USP49: variants seen among roughly 807,000 people sequenced by gnomAD.
The protein encoded by USP49 is ubiquitin carboxyl-terminal hydrolase 49.
Under a neutral mutation model 58.6 loss-of-function variants are expected in USP49, and 24 were observed. The ratio of observed to expected loss-of-function variants is 0.41; its 90% CI spans 0.30 to 0.58. USP49 has a LOEUF of 0.58. Ranked by LOEUF, USP49 falls within the 20% of genes least tolerant of loss-of-function variation. USP49 has a pLI of 0.30. For synonymous variants in USP49, 408 were observed against 365.1 expected (o/e 1.12, Z -1.34); for missense variants, 703 against 866.1 (o/e 0.81, Z 2.36).
chr6:41,798,670 G>C (rs1329968761), intron 7 of USP49, 54 bp downstream of exon 7: 1 of 1,612,814 alleles, frequency 6.2e-7, no homozygotes, highest in Non-Finnish European at 8.5e-7. Flanking sequence ...AATAAAATGT[G>C]GACAAATCAA....
intron 3 of USP49, among the ~76,000 whole-genome samples, chr6:41,851,062 C>T (rs938882665): frequency 2.6e-5 from 4 of 152,240 alleles, no homozygotes; most frequent in Non-Finnish European, 5.9e-5. Flanking sequence ...TTCTACCAAA[C>T]ATTAAAAAAT....
chr6:41,853,907 G>C lies in USP49; in HGVS notation c.-29+17657C>G, dbSNP rs184814180. Among the ~76,000 whole-genome samples, 1,006 of 148,832 alleles carry C rather than the reference G, an allele frequency of 6.8e-3. 9 individuals carry two copies. The highest frequency in any genetic ancestry group is 0.024 in the African/African-American group (956 of 40,298). Reference sequence around the variant, plus strand: ...TCAGCTACTTGGGAGGCTGAGGCAGGAGAATTGCTTGAACCCGGGAGGCGG... The same window carrying C: ...TCAGCTACTTGGGAGGCTGAGGCAGCAGAATTGCTTGAACCCGGGAGGCGG... On this transcript the variant is annotated intron_variant, in intron 3 of 7. Coordinates refer to ENST00000682992, the MANE Select transcript of USP49 (RefSeq NM_001286554.2).
At chr6:41,840,489 T>C (rs1446965009) in intron 3 of USP49, among the ~76,000 whole-genome samples, 8 of 152,154 alleles carry the variant, frequency 5.3e-5, no homozygotes, top group South Asian at 2.1e-4. Context: ...CTTAGAGAAG[T>C]TGGCACATAA....
At chr6:41,862,930 C>T (rs2127355625) in intron 3 of USP49, among the ~76,000 whole-genome samples, 2 of 152,164 alleles carry the variant, frequency 1.3e-5, no homozygotes, top group South Asian at 2.1e-4. Context: ...TGCACTACCA[C>T]ACCTGGCTAA....
chr6:41,878,372 T>G (rs2254805), intron 2 of USP49, among the ~76,000 whole-genome samples: 67,394 of 151,938 alleles, frequency 0.44, 15,202 homozygotes, highest in Middle Eastern at 0.5. Context: ...ACATACGATC[T>G]TAGCCAGATT....
chr6:41,806,414 GCGC>G lies in USP49; in HGVS notation c.567_569del (p.Arg190del). On this transcript the variant is annotated inframe_deletion, in exon 4 of 8. Transcript: ENST00000682992. The surrounding 1 kb of genome is among the most constrained non-coding windows in gnomAD (Gnocchi z 5.9). Reference sequence around the variant, plus strand: ...CCTCCAGCAGCCGCCGTTTCACCTCGCGCCGCCGCCTCCGCGCCTCCTCCTTCT... The same window carrying G: ...CCTCCAGCAGCCGCCGTTTCACCTCGCGCCGCCTCCGCGCCTCCTCCTTCT... 1.9e-6 allele frequency: 3 copies of G among 1,570,688 alleles called. No homozygotes were observed. Among genetic ancestry groups the G allele is most frequent in the Non-Finnish European group, 2.6e-6 (3 of 1,166,898 alleles).
chr6:41,806,864 C>G lies in USP49; in HGVS notation c.120G>C (p.Lys40Asn). The change falls in exon 4 of 8, where the codon AAG becomes AAC. Residue 40 changes from lysine (K) to asparagine (N), a missense_variant. By Grantham distance (94) the Lys-to-Asn change is moderately conservative (BLOSUM62 0). This residue lies in a region of USP49 where 376 missense variants were observed against 373.5 expected (regional missense o/e 1.01). Transcript: ENST00000682992. The surrounding 1 kb of genome is among the most constrained non-coding windows in gnomAD (Gnocchi z 5.9). The stretch of plus-strand genomic sequence containing the variant: ...AGCGGCCGCAGGCCACGTGGGAGCA[C>G]TTGAGGCAGGCCCACACGGACTCGG... The part of the protein sequence containing the change: ...ATTESVWACL[K>N]CSHVACGRYI... The G allele has an allele frequency of 1.2e-6, 2 of 1,614,100 alleles. No individual in the cohort carries two copies. Among genetic ancestry groups the G allele is most frequent in the Non-Finnish European group, 1.7e-6 (2 of 1,180,004 alleles).
chr6:41,802,262 T>G (rs1197241426), intron 5 of USP49, among the ~76,000 whole-genome samples: 1 of 151,934 alleles, frequency 6.6e-6, no homozygotes, highest in Non-Finnish European at 1.5e-5. Context: ...CTTCAGGCAA[T>G]CCTCCTGCCT....
intron 2 of USP49, among the ~76,000 whole-genome samples, chr6:41,886,221 G>A (rs991058271): frequency 4.6e-5 from 7 of 152,188 alleles, no homozygotes; most frequent in Non-Finnish European, 8.8e-5. Flanking sequence ...CATAAAAAAG[G>A]AGAGTTAAAG....
At position 41,804,073 on chromosome 6, in the gene USP49, T is replaced by C. The variant is rs1773066843; in HGVS notation, c.1357-63A>G. 4.0e-6 allele frequency: 6 copies of C among 1,494,124 alleles called. No homozygotes were observed. The South Asian group carries it at 7.2e-5, about 18-fold the overall frequency. The allele number at this position is 1,494,124 out of a possible 1,614,324, so 92.6% of individuals were successfully genotyped here. ...CCATGCTTCCTGTGTACAGTTTTAC[T>C]TGCTTCATAAAAGACACACTTTATC... On this transcript the variant is annotated intron_variant, in intron 4 of 7. Coordinates refer to ENST00000682992, the MANE Select transcript of USP49 (RefSeq NM_001286554.2).
chr6:41,812,469 G>A (rs187842700), intron 3 of USP49, among the ~76,000 whole-genome samples: 479 of 151,436 alleles, frequency 3.2e-3, no homozygotes, highest in South Asian at 0.013. Context: ...CGAGACGGGC[G>A]GATCACGAGG....
At chr6:41,838,436 T>C (rs572581897) in intron 3 of USP49, among the ~76,000 whole-genome samples, 1 of 152,204 alleles carries the variant, frequency 6.6e-6, no homozygotes, top group Non-Finnish European at 1.5e-5. Context: ...AAGAGGAATC[T>C]ATCACAGGAC....
At chr6:41,814,806 G>A (rs949900017) in intron 3 of USP49, among the ~76,000 whole-genome samples, 3 of 152,170 alleles carry the variant, frequency 2.0e-5, no homozygotes, top group African/African-American at 7.2e-5. Flanking sequence ...AGACACTATG[G>A]TAACATGCTG....
At chr6:41,814,827 T>C (rs908455892) in intron 3 of USP49, among the ~76,000 whole-genome samples, 2 of 152,162 alleles carry the variant, frequency 1.3e-5, no homozygotes, top group Non-Finnish European at 2.9e-5. Context: ...ACAGCCTTCA[T>C]TTACATAAAA....
chr6:41,798,160 A>C (rs1772922480), intron 7 of USP49: 1 of 154,890 alleles, frequency 6.5e-6, no homozygotes, highest in Non-Finnish European at 1.4e-5. Context: ...GAGCCATTGC[A>C]CAGGGCCTAG....
chr6:41,810,351 G>C (rs944847567), intron 3 of USP49, among the ~76,000 whole-genome samples: 7 of 149,490 alleles, frequency 4.7e-5, no homozygotes, highest in African/African-American at 1.7e-4. Context: ...TTAGCCAGGT[G>C]TGGTGGCAGG....
Position 41,796,305 on chromosome 6 carries a change from T to G in USP49, c.*228A>C, listed in dbSNP as rs1479868910. 2 of 469,948 alleles carry G rather than the reference T, an allele frequency of 4.3e-6. No individual in the cohort carries two copies. Among genetic ancestry groups the G allele is most frequent in the Non-Finnish European group, 7.6e-6 (2 of 262,242 alleles). 29.1% of individuals were successfully genotyped at this position (469,948 alleles called of 1,614,324 possible). A position where few individuals can be genotyped will look rare whatever the true frequency, so the allele number is the denominator to read the frequency against. The stretch of plus-strand genomic sequence containing the variant: ...TCAGAAGCAACTGATGAAAGGATCT[T>G]CATAGAAGTTACTTCTTTTGTTTTT... On this transcript the variant is annotated 3_prime_UTR_variant, in exon 8 of 8. Coordinates refer to ENST00000682992, the MANE Select transcript of USP49 (RefSeq NM_001286554.2).
At chr6:41,849,154 A>G (rs936536071) in intron 3 of USP49, among the ~76,000 whole-genome samples, 7 of 152,234 alleles carry the variant, frequency 4.6e-5, no homozygotes, top group African/African-American at 1.7e-4. Flanking sequence ...AGAAGAGAGC[A>G]GGAGTGGCTA....
At position 41,884,593 on chromosome 6, in the gene USP49, C is replaced by T. The variant is rs557863499; in HGVS notation, c.-103+7201G>A. On this transcript the variant is annotated intron_variant, in intron 2 of 7. Transcript: ENST00000682992. ...TGGGAATGAGGGCTGAACAGAAGGC[C>T]TTTGTACACCAAAGCTATACTGTAA... Among the ~76,000 whole-genome samples the T allele has an allele frequency of 2.2e-4, 34 of 152,264 alleles. No individual in the cohort carries two copies. The South Asian group carries it at 6.4e-3, about 29-fold the overall frequency.
Sources: allele counts gnomAD v4.1 joint callset (sites outside exome capture counted in the v4.1 genomes callset), GRCh38; gene constraint gnomAD v4.1.1; regional missense constraint gnomAD v4.1.1; non-coding constraint Gnocchi (gnomAD v3.1); transcripts MANE v1.5; gene names NCBI Gene and HGNC (gene_info 2026-07-23, HGNC 2026-07-21).